Variants in ADAM10 observed in about 807,000 individuals in gnomAD.
ADAM10 encodes the protein ADAM metallopeptidase domain 10.
In ADAM10, 17 loss-of-function variants were observed where a neutral mutation model predicts 90.1. The ratio of observed to expected loss-of-function variants is 0.19; its 90% confidence interval spans 0.13 to 0.28. The LOEUF (loss-of-function observed/expected upper bound fraction) is 0.28. Among genes scored for constraint, ADAM10 ranks in the 10% least tolerant of loss-of-function variants. The pLI is 1.00. For synonymous variants in ADAM10, 310 were observed against 298.6 expected (o/e 1.04, Z -0.40); for missense variants, 610 against 914.3 (o/e 0.67, Z 4.29).
At chr15:58,602,293 G>A (rs978863783) in intron 14 of ADAM10, among the ~76,000 whole-genome samples, 3 of 152,132 alleles carry the variant, frequency 2.0e-5, no homozygotes, top group African/African-American at 7.2e-5. Context: ...ACCTGCCAAA[G>A]AGCCCTGGTT....
intron 10 of ADAM10, among the ~76,000 whole-genome samples, chr15:58,624,625 G>C (rs991684007): frequency 1.3e-5 from 2 of 152,070 alleles, no homozygotes; most frequent in Non-Finnish European, 2.9e-5. Context: ...TCCAACTCCT[G>C]GGTTCAAGCA....
At chr15:58,734,526 G>A (rs1275650443) in intron 1 of ADAM10, among the ~76,000 whole-genome samples, 2 of 151,838 alleles carry the variant, frequency 1.3e-5, no homozygotes, top group East Asian at 1.9e-4. Context: ...ATGGCAAAAC[G>A]CCATCTCTAC....
intron 2 of ADAM10, among the ~76,000 whole-genome samples, chr15:58,693,761 TAA>T (rs36118429): frequency 7.4e-6 from 1 of 135,928 alleles, no homozygotes; most frequent in Non-Finnish European, 1.6e-5. Context: ...GAAATAGCTT[TAA>T]AAAAAAAAAA....
chr15:58,663,664 ATAT>A (rs1311485207), intron 5 of ADAM10, among the ~76,000 whole-genome samples: 4 of 152,080 alleles, frequency 2.6e-5, no homozygotes, highest in Non-Finnish European at 4.4e-5. Flanking sequence ...TAATTTTATA[ATAT>A]TATTATTTCC....
At chr15:58,649,214 T>C (rs1896626133) in intron 5 of ADAM10, among the ~76,000 whole-genome samples, 1 of 152,156 alleles carries the variant, frequency 6.6e-6, no homozygotes, top group African/African-American at 2.4e-5. Context: ...GTTAGTTATA[T>C]ATTTTACTAA....
chr15:58,649,815 T>C (rs1347406400), intron 5 of ADAM10, among the ~76,000 whole-genome samples: 3 of 152,178 alleles, frequency 2.0e-5, no homozygotes, highest in Admixed American at 6.5e-5. Context: ...AATGAATGTG[T>C]TGTTTGATAT....
intron 7 of ADAM10, among the ~76,000 whole-genome samples, chr15:58,642,557 T>C (rs1431925637): frequency 6.6e-6 from 1 of 152,174 alleles, no homozygotes; most frequent in African/African-American, 2.4e-5. Flanking sequence ...TAATAGGTTA[T>C]GAACAATCTT....
chr15:58,674,747 C>A (rs1354254324), intron 4 of ADAM10, among the ~76,000 whole-genome samples: 3 of 152,168 alleles, frequency 2.0e-5, no homozygotes, highest in African/African-American at 7.2e-5. Context: ...AGGCCTCCAT[C>A]TTGAAATGGT....
chr15:58,611,680 G>T (rs1471624086), intron 12 of ADAM10, 128 bp downstream of exon 12: 4 of 852,558 alleles, frequency 4.7e-6, no homozygotes, highest in Non-Finnish European at 7.2e-6. Context: ...TCATGGTTTT[G>T]TGAGGGAATA....
intron 1 of ADAM10, among the ~76,000 whole-genome samples, chr15:58,721,996 C>A (rs1181446908): frequency 6.6e-6 from 1 of 151,460 alleles, no homozygotes; most frequent in Non-Finnish European, 1.5e-5. Context: ...CCATTGCAAT[C>A]CAGCCTGGGT....
intron 14 of ADAM10, among the ~76,000 whole-genome samples, chr15:58,606,300 G>GCAA (rs1200242871): frequency 3.3e-5 from 5 of 152,198 alleles, no homozygotes; most frequent in African/African-American, 9.6e-5. Context: ...AGCAGCAGCA[G>GCAA]CAACAGCGAT....
chr15:58,630,196 G>C (rs12442451), intron 9 of ADAM10, among the ~76,000 whole-genome samples: 33,503 of 151,980 alleles, frequency 0.22, 4,407 homozygotes, highest in East Asian at 0.39. Flanking sequence ...GGGCCATCTA[G>C]GCTGCTTAAA....
At chr15:58,687,110 T>C (rs1897623414) in intron 2 of ADAM10, among the ~76,000 whole-genome samples, 1 of 152,344 alleles carries the variant, frequency 6.6e-6, no homozygotes, top group Middle Eastern at 3.4e-3. Flanking sequence ...GACCAGAAAG[T>C]ACAAATTGCT....
chr15:58,675,877 C>G lies in ADAM10; in HGVS notation c.484+3247G>C, dbSNP rs149019233. Among the ~76,000 whole-genome samples, 1,064 of 152,236 alleles carry G rather than the reference C, an allele frequency of 7.0e-3. 13 individuals carry two copies. Among genetic ancestry groups the G allele is most frequent in the African/African-American group, 0.025 (1,018 of 41,548 alleles). On this transcript the variant is annotated intron_variant, in intron 4 of 15. Transcript: ENST00000260408. ...AGGTATATCCAAGGTTAGTATGCCT[C>G]CCCTACCATTTGCTTCTTTTTGGTA...
intron 11 of ADAM10, among the ~76,000 whole-genome samples, chr15:58,619,146 G>C (rs1342611762): frequency 2.0e-5 from 3 of 152,018 alleles, no homozygotes; most frequent in Non-Finnish European, 4.4e-5. Flanking sequence ...TATATATTTG[G>C]TCACAAAGAA....
At chr15:58,612,452 A>G (rs1262351523) in intron 11 of ADAM10, among the ~76,000 whole-genome samples, 2 of 152,098 alleles carry the variant, frequency 1.3e-5, no homozygotes, top group African/African-American at 2.4e-5. Flanking sequence ...AGCCCCCTAG[A>G]GTCTGAGCTG....
intron 5 of ADAM10, among the ~76,000 whole-genome samples, chr15:58,647,712 G>C (rs1896587561): frequency 6.6e-6 from 1 of 151,990 alleles, no homozygotes; most frequent in African/African-American, 2.4e-5. Context: ...CACCATGCCT[G>C]GCTAATTTTT....
chr15:58,686,738 G>A (rs1472619663), intron 2 of ADAM10: 3 of 592,902 alleles, frequency 5.1e-6, no homozygotes, highest in Non-Finnish European at 9.0e-6. Flanking sequence ...CCTTTCCTGT[G>A]GCCCCGTCCT....
chr15:58,618,889 A>G (rs181528217), intron 11 of ADAM10, among the ~76,000 whole-genome samples: 2 of 152,342 alleles, frequency 1.3e-5, no homozygotes, highest in Admixed American at 1.3e-4. Flanking sequence ...AGAGATCAGG[A>G]ACCATTAGTT....
Sources: gnomAD v4.1 joint callset for allele counts (sites outside exome capture counted in the v4.1 genomes callset) on GRCh38, gnomAD v4.1.1 for gene constraint, MANE v1.5 for transcripts, NCBI Gene and HGNC (gene_info 2026-07-23, HGNC 2026-07-21) for gene names.